The following PITPNM2 variants were observed in gnomAD, a reference collection of about 807,000 sequenced individuals.
PITPNM2 encodes membrane-associated phosphatidylinositol transfer protein 2.
PITPNM2 carries 35 observed loss-of-function variants against 132.2 expected under a neutral mutation model. The ratio of observed to expected loss-of-function variants is 0.26; its 90% CI spans 0.20 to 0.35. The LOEUF (loss-of-function observed/expected upper bound fraction) is 0.35. PITPNM2 is among the 10% of genes least tolerant of loss of function. The probability of loss-of-function intolerance (pLI) is 1.00; values close to 1 mark genes in which losing one functional copy is unlikely to be tolerated. For missense variants in PITPNM2, 1,332 were observed against 1,912.0 expected (o/e 0.70, Z 5.66); for synonymous variants, 738 against 799.2 (o/e 0.92, Z 1.29).
intron 1 of PITPNM2, among the ~76,000 whole-genome samples, chr12:123,128,144 T>C (rs1264121197): frequency 1.3e-5 from 2 of 151,128 alleles, no homozygotes; most frequent in Admixed American, 6.6e-5. Flanking sequence ...CTATTAAGGA[T>C]AAAGTATCTG....
At chr12:123,132,521 C>T (rs1593032326) in intron 1 of PITPNM2, among the ~76,000 whole-genome samples, 1 of 144,996 alleles carries the variant, frequency 6.9e-6, no homozygotes, top group Non-Finnish European at 1.5e-5. Flanking sequence ...TTTTCTTTCC[C>T]TTTTTTTTTT....
At chr12:123,140,372 A>G (rs2043478698) in intron 1 of PITPNM2, among the ~76,000 whole-genome samples, 1 of 152,030 alleles carries the variant, frequency 6.6e-6, no homozygotes, top group African/African-American at 2.4e-5. Flanking sequence ...CTCCTCCCCA[A>G]CCTGGCTTCC....
In PITPNM2 at chr12:123,128,737, G is replaced by A. The variant is rs1484316766; in HGVS notation, c.-199-18249C>T. Among the ~76,000 whole-genome samples, 3 of 145,256 alleles carry A rather than the reference G, an allele frequency of 2.1e-5. 1 individual carries two copies. Among genetic ancestry groups the A allele is most frequent in the Non-Finnish European group, 3.0e-5 (2 of 66,272 alleles). ...ACTGCACTCCAGCCTGGGCAATACA[G>A]TGAGACTCGATATCAAAAAAAAAAA... On this transcript the variant is annotated intron_variant, in intron 1 of 25. Transcript: ENST00000320201.
chr12:123,060,053 G>A (rs942111217), intron 2 of PITPNM2, among the ~76,000 whole-genome samples: 1 of 152,126 alleles, frequency 6.6e-6, no homozygotes, highest in Admixed American at 6.5e-5. Context: ...TCCTGGCAGC[G>A]CTCCCTTTTC....
At chr12:122,986,868 C>A (rs984576859) in intron 23 of PITPNM2, 39 bp from the exon 24 acceptor site, 2 of 1,548,406 alleles carry the variant, frequency 1.3e-6, no homozygotes, top group Non-Finnish European at 1.7e-6. Flanking sequence ...CCCCTTCCTC[C>A]CTCCTGGGCC....
intron 2 of PITPNM2, among the ~76,000 whole-genome samples, chr12:123,054,924 C>T (rs1446350192): frequency 2.6e-5 from 4 of 152,048 alleles, no homozygotes; most frequent in Non-Finnish European, 5.9e-5. Context: ...ATTAGCCCGG[C>T]ATGGTGGGAT....
Position 123,000,657 on chromosome 12 carries a change from G to T in PITPNM2, c.1224+121C>A. On this transcript the variant is annotated intron_variant, in intron 10 of 25. Transcript: ENST00000320201. The surrounding 1 kb of genome is among the most constrained non-coding windows in gnomAD (Gnocchi z 5.4). ...CCTCTCCCCAGACAGTACCCAGGCA[G>T]GCGTGGAGGTGAGGCTGCCAGGCCC... The T allele has an allele frequency of 9.1e-7, 1 of 1,099,424 alleles. No homozygotes were observed. Among genetic ancestry groups the T allele is most frequent in the Non-Finnish European group, 1.3e-6 (1 of 751,920 alleles). The allele number at this position is 1,099,424 out of a possible 1,614,324, so 68.1% of individuals were successfully genotyped here.
At chr12:123,056,132 G>C (rs947324750) in intron 2 of PITPNM2, among the ~76,000 whole-genome samples, 1 of 152,210 alleles carries the variant, frequency 6.6e-6, no homozygotes, top group Non-Finnish European at 1.5e-5. Flanking sequence ...CCTGCAGCTT[G>C]AGTTCCAGGC....
intron 2 of PITPNM2, among the ~76,000 whole-genome samples, chr12:123,067,177 C>T (rs1364935843): frequency 6.6e-6 from 1 of 152,124 alleles, no homozygotes; most frequent in African/African-American, 2.4e-5. Flanking sequence ...ACAGCCATGG[C>T]CATGCATGGT....
chr12:123,062,206 G>A (rs1209892997), intron 2 of PITPNM2, among the ~76,000 whole-genome samples: 2 of 152,168 alleles, frequency 1.3e-5, no homozygotes, highest in Admixed American at 1.3e-4. Context: ...AGGTGGAAGG[G>A]AAAGTTTGGG....
intron 1 of PITPNM2, among the ~76,000 whole-genome samples, chr12:123,143,173 A>C (rs2043543150): frequency 2.2e-5 from 3 of 137,538 alleles, no homozygotes; most frequent in East Asian, 2.3e-4. Flanking sequence ...GAGAGACAGC[A>C]GAGGGTGGAG....
At chr12:123,147,883 C>CATTGT (rs1449678661) in intron 1 of PITPNM2, among the ~76,000 whole-genome samples, 2 of 152,218 alleles carry the variant, frequency 1.3e-5, no homozygotes, top group Non-Finnish European at 2.9e-5. Context: ...GAGGCCCAAG[C>CATTGT]ACACTGCATG....
chr12:123,052,074 A>ATTGTTTTTTTT (rs2040875272), intron 2 of PITPNM2, among the ~76,000 whole-genome samples: 1 of 80,260 alleles, frequency 1.2e-5, no homozygotes. Context: ...GGTTAATTTT[A>ATTGTTTTTTTT]TTGTTTTTTT....
rs2136046549 is a variant in PITPNM2, at chr12:122,987,883, G to A, written c.3016C>T (p.Arg1006Trp). The A allele has an allele frequency of 6.2e-7, 1 of 1,612,588 alleles. No homozygotes were observed. The change falls in exon 21 of 26, where the codon CGG (arginine) becomes TGG (tryptophan). Residue 1006 changes from arginine to tryptophan, a missense_variant. Physicochemically the swap from Arg to Trp is moderately radical, Grantham distance 101. Transcript: ENST00000320201. ...TCATTGGCAAGGGCATCATTGATCC[G>A]GTGGTTGGCCGTCACGTTCTGTGGA... ...VKLRNVTANH[R>W]INDALANEDG... is the part of the protein sequence containing the mutation.
At position 123,009,702 on chromosome 12, in the gene PITPNM2, A is replaced by T. The variant is rs2039098234; in HGVS notation, c.643+148T>A. 2 of 726,052 alleles carry T rather than the reference A, an allele frequency of 2.8e-6. No individual in the cohort carries two copies. The highest frequency in any genetic ancestry group is 1.8e-5 in the African/African-American group (1 of 56,872). The allele number at this position is 726,052 out of a possible 1,614,324, so 45.0% of individuals were successfully genotyped here. On this transcript the variant is annotated intron_variant, in intron 6 of 25. Transcript: ENST00000320201. This position sits in a 1 kb window ranked among gnomAD's most constrained non-coding sequence, Gnocchi z 4.8. Reference sequence around the variant, plus strand: ...GGCTGGCGGGTAGTGGGGAAGCTGGACATGGGCTTTGGTGTCACCTTCCCA... The same window carrying T: ...GGCTGGCGGGTAGTGGGGAAGCTGGTCATGGGCTTTGGTGTCACCTTCCCA...
chr12:123,113,718 C>CA (rs1555298408), intron 1 of PITPNM2, among the ~76,000 whole-genome samples: 4 of 151,858 alleles, frequency 2.6e-5, no homozygotes, highest in Admixed American at 1.3e-4. Flanking sequence ...CAAACCCCCC[C>CA]ACCCTTTCAA....
intron 1 of PITPNM2, among the ~76,000 whole-genome samples, chr12:123,118,972 G>A (rs1444448089): frequency 2.0e-5 from 3 of 152,164 alleles, no homozygotes; most frequent in East Asian, 1.9e-4. Flanking sequence ...AGTGTCACTC[G>A]GCTGTGTCCG....
chr12:123,064,740 C>T lies in PITPNM2; in HGVS notation c.-95-30055G>A, dbSNP rs1301010566. 6.6e-6 allele frequency among the ~76,000 whole-genome samples: 1 copy of T among 152,144 alleles called. No homozygotes were observed. Among genetic ancestry groups the T allele is most frequent in the African/African-American group, 2.4e-5 (1 of 41,434 alleles). On this transcript the variant is annotated intron_variant, in intron 2 of 25. Transcript: ENST00000320201. This position sits in a 1 kb window ranked among gnomAD's most constrained non-coding sequence, Gnocchi z 4.0. ...AGGTTGTGGGGGTAAGCACATCACC[C>T]TCACCCTGCAAAAAAAAGCTAGTGG...
intron 2 of PITPNM2, among the ~76,000 whole-genome samples, chr12:123,085,562 TA>T (rs955587444): frequency 2.0e-5 from 3 of 151,906 alleles, no homozygotes; most frequent in Non-Finnish European, 2.9e-5. Context: ...TTTGGGATGA[TA>T]AAAAAAATTC....
Sources: gnomAD v4.1 joint callset for allele counts (sites outside exome capture counted in the v4.1 genomes callset) on GRCh38, gnomAD v4.1.1 for gene constraint, Gnocchi (gnomAD v3.1) non-coding constraint, MANE v1.5 for transcripts, NCBI Gene and HGNC (gene_info 2026-07-23, HGNC 2026-07-21) for gene names.